The following MGRN1 variants were observed in gnomAD, a reference collection of about 807,000 sequenced individuals.
MGRN1 encodes E3 ubiquitin-protein ligase MGRN1.
MGRN1 carries 29 observed loss-of-function variants against 69.2 expected under a neutral mutation model. The ratio of observed to expected loss-of-function variants is 0.42; its 90% CI spans 0.31 to 0.57. The LOEUF (loss-of-function observed/expected upper bound fraction) is 0.57. MGRN1 is among the 20% of genes least tolerant of loss of function. MGRN1 has a pLI of 0.15. For synonymous variants in MGRN1, 470 were observed against 344.2 expected, an observed-to-expected ratio of 1.37 and a Z score of -4.04; for missense variants, 998 against 796.2, an observed-to-expected ratio of 1.25 and a Z score of -3.05.
intron 1 of MGRN1, 95 bp from the exon 2 acceptor site, chr16:4,650,270 T>A: frequency 2.1e-6 from 2 of 964,226 alleles, no homozygotes; most frequent in South Asian, 3.3e-5. Flanking sequence ...GCCACTGCAC[T>A]CCAGCCTGGG....
intron 16 of MGRN1, among the ~76,000 whole-genome samples, 168 bp downstream of exon 16, chr16:4,684,100 G>A (rs766529027): frequency 2.6e-5 from 4 of 152,258 alleles, no homozygotes; most frequent in African/African-American, 9.6e-5. Context: ...AGCAGGATGC[G>A]GGCCAGGGCC....
intron 13 of MGRN1, 142 bp from the exon 14 acceptor site, chr16:4,682,681 G>A: frequency 5.0e-6 from 5 of 1,006,942 alleles, no homozygotes; most frequent in Non-Finnish European, 6.7e-6. Flanking sequence ...GGTGGCTGGT[G>A]ATGCCCTTCT....
intron 11 of MGRN1, among the ~76,000 whole-genome samples, chr16:4,678,159 T>C (rs1262135052): frequency 1.3e-5 from 2 of 152,116 alleles, no homozygotes; most frequent in East Asian, 3.9e-4. Context: ...TGGTTCTTAG[T>C]GAATGAGCCA....
At chr16:4,643,946 G>A (rs915363820) in intron 1 of MGRN1, among the ~76,000 whole-genome samples, 7 of 151,860 alleles carry the variant, frequency 4.6e-5, no homozygotes, top group Non-Finnish European at 8.8e-5. Context: ...TTGCTAAAAT[G>A]ATTTCAGCCT....
In MGRN1 at chr16:4,673,566, G is replaced by A. The variant is rs1336879248; in HGVS notation, c.864G>A (p.Thr288=). Residue 288 remains threonine, a synonymous_variant, in exon 10 of 17, where the codon ACG becomes ACA. Transcript: ENST00000262370. ...CVVCLSDLRD[T]LILPCRHLCL... is the part of the protein sequence containing the mutation. Reference sequence around the variant, plus strand: ...TGTGCCTGTCCGACCTGCGGGACACGCTGATCCTGCCCTGCCGCCACCTGT... The same window carrying A: ...TGTGCCTGTCCGACCTGCGGGACACACTGATCCTGCCCTGCCGCCACCTGT... The A allele has an allele frequency of 4.3e-6, 7 of 1,613,754 alleles. No individual in the cohort carries two copies. The highest frequency in any genetic ancestry group is 5.1e-6 in the Non-Finnish European group (6 of 1,179,990).
At chr16:4,662,917 G>A (rs2078714986) in intron 5 of MGRN1, among the ~76,000 whole-genome samples, 1 of 152,222 alleles carries the variant, frequency 6.6e-6, no homozygotes, top group African/African-American at 2.4e-5. Flanking sequence ...GGTGGTTGCT[G>A]CAGACATGGA....
intron 11 of MGRN1, among the ~76,000 whole-genome samples, chr16:4,678,232 C>A (rs1315962170): frequency 6.6e-6 from 1 of 152,216 alleles, no homozygotes; most frequent in African/African-American, 2.4e-5. Context: ...ACGCTCCAGG[C>A]CCACCAGGCG....
intron 1 of MGRN1, among the ~76,000 whole-genome samples, chr16:4,637,535 G>A (rs1029510296): frequency 6.6e-6 from 1 of 152,176 alleles, no homozygotes; most frequent in Non-Finnish European, 1.5e-5. Context: ...GAAATTGGCC[G>A]CCTTAGTGCC....
chr16:4,638,464 C>CAA lies in MGRN1; in HGVS notation c.89-11891_89-11890dup, dbSNP rs112029845. Among the ~76,000 whole-genome samples the CAA allele has an allele frequency of 1.9e-3, 271 of 143,564 alleles. 2 individuals are homozygous for CAA. Among genetic ancestry groups the CAA allele is most frequent in the African/African-American group, 6.4e-3 (247 of 38,786 alleles). 94.2% of individuals were successfully genotyped at this position (143,564 alleles called of 152,430 possible). On this transcript the variant is annotated intron_variant, in intron 1 of 16. Coordinates refer to ENST00000262370, the MANE Select transcript of MGRN1 (RefSeq NM_015246.4). Reference sequence around the variant, plus strand: ...TGGGTGACAGAGCGAGAGTCCGTCTCAAAAAAAAAAATAAATAAATATCTC... The same window carrying CAA: ...TGGGTGACAGAGCGAGAGTCCGTCTCAAAAAAAAAAAAATAAATAAATATCTC...
In MGRN1 at chr16:4,664,698, T is replaced by C; in HGVS notation, c.562-11T>C. On this transcript the variant is annotated splice_polypyrimidine_tract_variant and intron_variant, in intron 5 of 16. Transcript: ENST00000262370. ...GTGGGTCCTGACCATTCTTGGCAAC[T>C]CTCTCCTCAGCTGAACTTTGACCTG... The C allele has an allele frequency of 6.2e-7, 1 of 1,614,204 alleles. No individual in the cohort carries two copies. The highest frequency in any genetic ancestry group is 8.5e-7 in the Non-Finnish European group (1 of 1,180,036).
rs1044700960 is a variant in MGRN1, at chr16:4,664,870, G to T, written c.628+95G>T. The T allele has an allele frequency of 6.0e-6, 9 of 1,511,812 alleles. No homozygotes were observed. In the African/African-American group the frequency reaches 1.1e-4, roughly 18 times the overall value. 93.6% of individuals were successfully genotyped at this position (1,511,812 alleles called of 1,614,324 possible). ...AGTGCTTGCAGCAGTGATGAAGCAG[G>T]CCAGGCATAGGGCCTTGGGCTTCCC... On this transcript the variant is annotated intron_variant, in intron 6 of 16. Coordinates refer to ENST00000262370, the MANE Select transcript of MGRN1 (RefSeq NM_015246.4).
At position 4,646,892 on chromosome 16, in the gene MGRN1, C is replaced by T. The variant is rs547175960; in HGVS notation, c.89-3473C>T. Among the ~76,000 whole-genome samples, 7 of 152,268 alleles carry T rather than the reference C, an allele frequency of 4.6e-5. No individual in the cohort carries two copies. The South Asian group carries it at 1.2e-3, about 27-fold the overall frequency. Reference sequence around the variant, plus strand: ...CAGGGACCTGTCTCCTGCCTGGGGCCATGGAGTGCCCAGTGCCTCGGCCTG... The same window carrying T: ...CAGGGACCTGTCTCCTGCCTGGGGCTATGGAGTGCCCAGTGCCTCGGCCTG... On this transcript the variant is annotated intron_variant, in intron 1 of 16. Transcript: ENST00000262370.
At position 4,690,883 on chromosome 16, in the gene MGRN1, A is replaced by ACT. The variant is rs1255275260; in HGVS notation, c.*1977_*1978dup. On this transcript the variant is annotated 3_prime_UTR_variant, in exon 17 of 17. Transcript: ENST00000262370. ...TCGGGCCGCAGAGTGGCCCGCTGGG[A>ACT]CTCCCATGTGCTGCCGTCTGATGTG... 2.7e-5 allele frequency: 4 copies of ACT among 146,754 alleles called. No homozygotes were observed. Among genetic ancestry groups the ACT allele is most frequent in the African/African-American group, 1.0e-4 (4 of 39,318 alleles). 9.1% of individuals were successfully genotyped at this position (146,754 alleles called of 1,614,324 possible).
chr16:4,682,156 G>A lies in MGRN1; in HGVS notation c.1358+380G>A, dbSNP rs373793466. On this transcript the variant is annotated intron_variant, in intron 13 of 16. Coordinates refer to ENST00000262370, the MANE Select transcript of MGRN1 (RefSeq NM_015246.4). ...GGCCACGTAGGCCCACTCTGCCGGT[G>A]ACCAGCCAGGGCAGCCGAAACTCAG... Among the ~76,000 whole-genome samples the A allele has an allele frequency of 1.4e-4, 21 of 152,306 alleles. No individual in the cohort carries two copies. The East Asian group carries it at 3.1e-3, about 22-fold the overall frequency.
intron 5 of MGRN1, among the ~76,000 whole-genome samples, chr16:4,662,067 G>C (rs375218639): frequency 6.6e-6 from 1 of 152,234 alleles, no homozygotes; most frequent in African/African-American, 2.4e-5. Flanking sequence ...TCGCAGTCGG[G>C]TACTTTCTTG....
intron 1 of MGRN1, among the ~76,000 whole-genome samples, chr16:4,645,313 T>C (rs1302141837): frequency 6.6e-6 from 1 of 152,058 alleles, no homozygotes; most frequent in Non-Finnish European, 1.5e-5. Flanking sequence ...ACTACAGGCA[T>C]GCGCTGCCAT....
At chr16:4,666,265 A>C (rs2078803881) in intron 7 of MGRN1, among the ~76,000 whole-genome samples, 1 of 152,088 alleles carries the variant, frequency 6.6e-6, no homozygotes, top group African/African-American at 2.4e-5. Context: ...AGTAGCTGGG[A>C]CTATAGGCAT....
In MGRN1 at chr16:4,686,239, C is replaced by T. The variant is rs551698157; in HGVS notation, c.1618+2307C>T. ...GCTTGCTAACCGAGCTTCCGTCTGT[C>T]TCTCCCCCTCTCCGCGCAGCCCTGG... On this transcript the variant is annotated intron_variant, in intron 16 of 16. Coordinates refer to ENST00000262370, the MANE Select transcript of MGRN1 (RefSeq NM_015246.4). The T allele has an allele frequency of 2.7e-5, 42 of 1,541,450 alleles. No individual in the cohort carries two copies. In the African/African-American group the frequency reaches 3.8e-4, roughly 14 times the overall value.
chr16:4,674,227 G>T (rs1279257669), intron 10 of MGRN1, among the ~76,000 whole-genome samples: 1 of 152,092 alleles, frequency 6.6e-6, no homozygotes, highest in Non-Finnish European at 1.5e-5. Context: ...CAAGTAATCT[G>T]CCTGCCTCAG....
Sources: allele counts gnomAD v4.1 joint callset (sites outside exome capture counted in the v4.1 genomes callset), GRCh38; gene constraint gnomAD v4.1.1; transcripts MANE v1.5; gene names NCBI Gene and HGNC (gene_info 2026-07-23, HGNC 2026-07-21).